The following RREB1 variants were observed in gnomAD, a reference collection of about 807,000 sequenced individuals.
RREB1 encodes ras-responsive element-binding protein 1.
A neutral mutation model predicts 117.8 loss-of-function variants in RREB1; 27 were observed. That is an observed-to-expected ratio of 0.23 (90% confidence interval 0.17 to 0.32). The LOEUF (loss-of-function observed/expected upper bound fraction) is 0.32, where lower values mean the gene tolerates loss of function less well. Ranked by LOEUF, RREB1 falls within the 10% of genes least tolerant of loss-of-function variation. The pLI is 1.00. For missense variants in RREB1, 2,577 were observed against 2,378.2 expected, an observed-to-expected ratio of 1.08 and a Z score of -1.74; for synonymous variants, 1,298 against 1,026.7, an observed-to-expected ratio of 1.26 and a Z score of -5.05.
chr6:7,210,914 A>C lies in RREB1; in HGVS notation c.536A>C (p.Glu179Ala), dbSNP rs1358092008. ...AAGAGGAAACTGAGTCACGATGCCG[A>C]GTCAGAGAGAGAAGACCCAGCACCA... The part of the protein sequence containing the change: ...SSKRKLSHDA[E>A]SEREDPAPAK... The change falls in exon 7 of 13, where the codon GAG (glutamate) becomes GCG (alanine). Residue 179 changes from glutamate to alanine, a missense_variant. Coordinates refer to ENST00000379938, the MANE Select transcript of RREB1 (RefSeq NM_001003699.4). 1 of 1,614,182 alleles carries C rather than the reference A, an allele frequency of 6.2e-7. No homozygotes were observed. Among genetic ancestry groups the C allele is most frequent in the East Asian group, 2.2e-5 (1 of 44,880 alleles).
At chr6:7,188,657 T>G (rs1053620329) in intron 5 of RREB1, among the ~76,000 whole-genome samples, 5 of 152,204 alleles carry the variant, frequency 3.3e-5, no homozygotes, top group African/African-American at 9.7e-5. Flanking sequence ...ATCAAGTTAC[T>G]AAAGTAACTC....
intron 6 of RREB1, among the ~76,000 whole-genome samples, chr6:7,207,743 G>T (rs1475085694): frequency 1.3e-5 from 2 of 152,214 alleles, no homozygotes; most frequent in African/African-American, 4.8e-5. Flanking sequence ...AGCAGAGCTT[G>T]AGGGGGGCTG....
In RREB1 at chr6:7,230,985, G is replaced by A. The variant is rs1377190928; in HGVS notation, c.2886G>A (p.Glu962=). 6.2e-7 allele frequency: 1 copy of A among 1,614,166 alleles called. No individual in the cohort carries two copies. The highest frequency in any genetic ancestry group is 8.5e-7 in the Non-Finnish European group (1 of 1,180,016). The change falls in exon 10 of 13, where the codon GAG becomes GAA. Residue 962 remains glutamate (E), a synonymous_variant. Transcript: ENST00000379938. ...TPSEAKKPEE[E]AGSSEQPSPC... ...GCGAAGCCAAGAAGCCTGAGGAGGA[G>A]GCGGGGAGCAGCGAGCAGCCCTCTC...
At chr6:7,182,795 G>A (rs1368576644) in intron 4 of RREB1, among the ~76,000 whole-genome samples, 1 of 152,234 alleles carries the variant, frequency 6.6e-6, no homozygotes, top group African/African-American at 2.4e-5. Flanking sequence ...CTGGATCCAT[G>A]TAATACGAGT....
At chr6:7,145,896 A>G (rs1472477119) in intron 1 of RREB1, among the ~76,000 whole-genome samples, 1 of 151,800 alleles carries the variant, frequency 6.6e-6, no homozygotes, top group Non-Finnish European at 1.5e-5. Flanking sequence ...GTTTGCATCT[A>G]TTTGCCAGAA....
chr6:7,182,000 T>G lies in RREB1; in HGVS notation c.89T>G (p.Val30Gly). The G allele has an allele frequency of 6.2e-7, 1 of 1,613,514 alleles. No homozygotes were observed. Among genetic ancestry groups the G allele is most frequent in the Non-Finnish European group, 8.5e-7 (1 of 1,179,824 alleles). Residue 30 changes from valine (V) to glycine (G), a missense_variant, in exon 4 of 13, where the codon GTC becomes GGC. By Grantham distance (109) the Val-to-Gly change is moderately radical. Transcript: ENST00000379938. ...MMSAVMSVGK[V>G]TENGGSPQGI... Reference sequence around the variant, plus strand: ...TCGGCGGTCATGAGTGTAGGGAAGGTCACAGAGAATGGCGGGAGCCCCCAG... The same window carrying G: ...TCGGCGGTCATGAGTGTAGGGAAGGGCACAGAGAATGGCGGGAGCCCCCAG...
At chr6:7,156,907 A>G (rs1441121528) in intron 1 of RREB1, among the ~76,000 whole-genome samples, 1 of 152,146 alleles carries the variant, frequency 6.6e-6, no homozygotes, top group African/African-American at 2.4e-5. Context: ...GTTCAAGAGC[A>G]CCTTGAGATC....
At chr6:7,132,402 G>T (rs1375795255) in intron 1 of RREB1, among the ~76,000 whole-genome samples, 1 of 152,098 alleles carries the variant, frequency 6.6e-6, no homozygotes, top group Admixed American at 6.6e-5. Flanking sequence ...TGGGCCTCAA[G>T]CGATCCATCT....
rs1300754032 is a variant in RREB1 at position 7,248,454 on chromosome 6, G to T, written c.4772-57G>T. ...CCTCATTCTTCCTGTGCAGAGCAGGGTGCAGTGGGTACTGGTGCCTTTTGG... is the reference window on the plus strand; with the variant it reads ...CCTCATTCTTCCTGTGCAGAGCAGGTTGCAGTGGGTACTGGTGCCTTTTGG... On this transcript the variant is annotated intron_variant, in intron 12 of 12. Coordinates refer to ENST00000379938, the MANE Select transcript of RREB1 (RefSeq NM_001003699.4). 4.8e-6 allele frequency: 7 copies of T among 1,447,444 alleles called. No individual in the cohort carries two copies. In the East Asian group the frequency reaches 1.6e-4, roughly 33 times the overall value. The allele number at this position is 1,447,444 out of a possible 1,614,324, so 89.7% of individuals were successfully genotyped here.
At chr6:7,124,345 T>C (rs906415786) in intron 1 of RREB1, among the ~76,000 whole-genome samples, 12 of 152,300 alleles carry the variant, frequency 7.9e-5, no homozygotes, top group Admixed American at 2.0e-4. Context: ...GGCCAAATTA[T>C]TATATTTAGA....
chr6:7,164,029 C>T (rs562346242), intron 1 of RREB1, among the ~76,000 whole-genome samples: 52 of 152,142 alleles, frequency 3.4e-4, no homozygotes, highest in African/African-American at 1.2e-3. Context: ...GGTCCTGTGG[C>T]TGTAGGAGAG....
chr6:7,155,530 C>T (rs950325250), intron 1 of RREB1, among the ~76,000 whole-genome samples: 1 of 152,236 alleles, frequency 6.6e-6, no homozygotes, highest in Non-Finnish European at 1.5e-5. Context: ...TGGCTAGTCT[C>T]GAACTCCTGA....
Position 7,248,979 on chromosome 6 carries a change from C to A in RREB1, c.*11C>A, listed in dbSNP as rs200233790. 6.8e-7 allele frequency: 1 copy of A among 1,465,194 alleles called. No individual in the cohort carries two copies. Among genetic ancestry groups the A allele is most frequent in the East Asian group, 2.5e-5 (1 of 40,390 alleles). 90.8% of individuals were successfully genotyped at this position (1,465,194 alleles called of 1,614,324 possible). A position where few individuals can be genotyped will look rare whatever the true frequency, so the allele number is the denominator to read the frequency against. ...GTGGGGATGGAGTGACAGCCTCAGT[C>A]CCCCTCAGCACAGACAAAAGCCAGC... On this transcript the variant is annotated 3_prime_UTR_variant, in exon 13 of 13. Transcript: ENST00000379938.
At chr6:7,185,592 A>G (rs143491589) in intron 4 of RREB1, among the ~76,000 whole-genome samples, 3 of 152,098 alleles carry the variant, frequency 2.0e-5, no homozygotes, top group Admixed American at 6.6e-5. Context: ...AAAAGTTCCT[A>G]TTGCTCAGAA....
chr6:7,213,849 C>G (rs1393995332), intron 8 of RREB1: 1 of 152,234 alleles, frequency 6.6e-6, no homozygotes, highest in African/African-American at 2.4e-5. Context: ...ATTCTGTGAT[C>G]AGATACCACC....
intron 6 of RREB1, among the ~76,000 whole-genome samples, chr6:7,192,828 T>G (rs1765480562): frequency 6.6e-6 from 1 of 152,226 alleles, no homozygotes; most frequent in Non-Finnish European, 1.5e-5. Flanking sequence ...GTTTTCTGCT[T>G]TCTTTAGGTT....
At chr6:7,202,685 G>A (rs1411493583) in intron 6 of RREB1, among the ~76,000 whole-genome samples, 1 of 152,186 alleles carries the variant, frequency 6.6e-6, no homozygotes, top group Non-Finnish European at 1.5e-5. Flanking sequence ...GCATGTAAAT[G>A]TTGAGGAAAC....
chr6:7,247,258 G>C (rs1561810428), intron 12 of RREB1, 37 bp downstream of exon 12: 3 of 1,575,066 alleles, frequency 1.9e-6, no homozygotes, highest in Admixed American at 1.8e-5. Context: ...CCCAACAAGA[G>C]GAGGCGAGCC....
In RREB1 at chr6:7,226,462, C is replaced by G; in HGVS notation, c.708-5C>G. ...GCCTCATATGTTCTCCCTTTCCTCTCCTAGATGTGACATTTGTTGTGTCAC... is the reference window on the plus strand; with the variant it reads ...GCCTCATATGTTCTCCCTTTCCTCTGCTAGATGTGACATTTGTTGTGTCAC... On this transcript the variant is annotated splice_region_variant and splice_polypyrimidine_tract_variant and intron_variant, in intron 8 of 12. Coordinates refer to ENST00000379938, the MANE Select transcript of RREB1 (RefSeq NM_001003699.4). 6.2e-7 allele frequency: 1 copy of G among 1,607,778 alleles called. No homozygotes were observed. The highest frequency in any genetic ancestry group is 8.5e-7 in the Non-Finnish European group (1 of 1,176,322).
Sources: allele counts gnomAD v4.1 joint callset (sites outside exome capture counted in the v4.1 genomes callset), GRCh38; gene constraint gnomAD v4.1.1; transcripts MANE v1.5; gene names NCBI Gene and HGNC (gene_info 2026-07-23, HGNC 2026-07-21).